MAF: variants seen among roughly 807,000 people sequenced by gnomAD.
The protein encoded by MAF is MAF bZIP transcription factor.
Under a neutral mutation model 22.0 loss-of-function variants are expected in MAF, and 10 were observed. That is an observed-to-expected ratio of 0.45 (90% CI 0.28 to 0.77). The LOEUF is 0.77. Among genes scored for constraint, MAF ranks in the 30% least tolerant of loss-of-function variants. The pLI, the probability that MAF is intolerant of heterozygous loss-of-function variation, is 0.12. For synonymous variants in MAF, 337 were observed against 255.8 expected (o/e 1.32, Z -3.03); for missense variants, 544 against 548.4 (o/e 0.99, Z 0.08).
At chr16:79,289,246 G>A in the MAF span, among the ~76,000 whole-genome samples, 1 of 152,124 alleles carries the variant, frequency 6.6e-6, no homozygotes, top group African/African-American at 2.4e-5. Context: ...GCAGAGTGGC[G>A]GGAGCCCACA....
At chr16:79,293,855 GAGAGAGAGA>G in the MAF span, among the ~76,000 whole-genome samples, 1 of 152,060 alleles carries the variant, frequency 6.6e-6, no homozygotes, top group Non-Finnish European at 1.5e-5. Flanking sequence ...GAGAGAGAGA[GAGAGAGAGA>G]GAGAGAAAGA....
At chr16:79,587,189 G>A (rs1400871156) in intron 1 of MAF, among the ~76,000 whole-genome samples, 4 of 152,084 alleles carry the variant, frequency 2.6e-5, no homozygotes, top group Admixed American at 6.5e-5. Context: ...CACGTTATAT[G>A]CGTTTATTCA....
the MAF span, among the ~76,000 whole-genome samples, chr16:79,324,436 G>A: frequency 2.0e-5 from 3 of 152,118 alleles, no homozygotes; most frequent in Admixed American, 6.5e-5. Flanking sequence ...CTGCAGGGCC[G>A]ACTTTGGGAC....
chr16:79,233,546 A>G, the MAF span, among the ~76,000 whole-genome samples: 2 of 152,084 alleles, frequency 1.3e-5, no homozygotes, highest in Admixed American at 6.6e-5. Context: ...CTAATCATCA[A>G]TGGCAAATAC....
the MAF span, among the ~76,000 whole-genome samples, chr16:79,232,805 C>T: frequency 1.3e-5 from 2 of 149,602 alleles, no homozygotes; most frequent in Non-Finnish European, 3.0e-5. Context: ...TTAATAACAG[C>T]TGGAAAAGTG....
chr16:79,429,668 C>T, the MAF span, among the ~76,000 whole-genome samples: 1 of 152,092 alleles, frequency 6.6e-6, no homozygotes, highest in African/African-American at 2.4e-5. Flanking sequence ...GTGTGTAAGC[C>T]TCCACTCCCA....
the MAF span, among the ~76,000 whole-genome samples, chr16:79,221,304 A>C: frequency 7.3e-4 from 111 of 152,286 alleles, no homozygotes; most frequent in African/African-American, 2.6e-3. Flanking sequence ...AACCCACTTT[A>C]GGGAGAGAGG....
chr16:79,427,909 A>G, the MAF span, among the ~76,000 whole-genome samples: 2 of 152,080 alleles, frequency 1.3e-5, no homozygotes, highest in African/African-American at 4.8e-5. Flanking sequence ...GATGCTTAAC[A>G]GATACAAAAT....
the MAF span, among the ~76,000 whole-genome samples, chr16:79,575,368 G>A: frequency 2.0e-5 from 3 of 152,178 alleles, no homozygotes; most frequent in Non-Finnish European, 2.9e-5. Context: ...GAGACAGTCA[G>A]CTATCTTTTC....
the MAF span, among the ~76,000 whole-genome samples, chr16:79,239,531 T>A: frequency 6.6e-6 from 1 of 152,130 alleles, no homozygotes; most frequent in East Asian, 1.9e-4. Flanking sequence ...AAAAGTGAAT[T>A]CCAGACTTTC....
chr16:79,411,591 C>T, the MAF span, among the ~76,000 whole-genome samples: 1,023 of 152,228 alleles, frequency 6.7e-3, 5 homozygotes, highest in Non-Finnish European at 0.011. Flanking sequence ...ATGGAGGCAA[C>T]CTATAAATTG....
the MAF span, among the ~76,000 whole-genome samples, chr16:79,517,522 C>G: frequency 6.6e-6 from 1 of 150,860 alleles, no homozygotes; most frequent in African/African-American, 2.4e-5. Context: ...ACCCTCAAGT[C>G]TTGGAGCTCC....
At chr16:79,219,382 C>T in the MAF span, among the ~76,000 whole-genome samples, 3 of 151,922 alleles carry the variant, frequency 2.0e-5, no homozygotes, top group African/African-American at 7.3e-5. Flanking sequence ...ATTTAAGACT[C>T]ACAGCTTTTG....
chr16:79,453,466 G>A, the MAF span, among the ~76,000 whole-genome samples: 1 of 152,172 alleles, frequency 6.6e-6, no homozygotes, highest in Admixed American at 6.5e-5. Context: ...AAGCAATGTA[G>A]ATAAATTCCA....
chr16:79,392,743 AGT>A, the MAF span, among the ~76,000 whole-genome samples: 1 of 152,290 alleles, frequency 6.6e-6, no homozygotes, highest in Admixed American at 6.5e-5. Context: ...TAGGTAGCCC[AGT>A]AGGACCAAAC....
the MAF span, among the ~76,000 whole-genome samples, chr16:79,536,727 T>C: frequency 6.6e-6 from 1 of 152,248 alleles, no homozygotes; most frequent in Non-Finnish European, 1.5e-5. Flanking sequence ...TTTTTTTCCC[T>C]GTCATTATTC....
the MAF span, among the ~76,000 whole-genome samples, chr16:79,514,839 G>A: frequency 5.3e-5 from 8 of 152,198 alleles, no homozygotes; most frequent in Non-Finnish European, 1.0e-4. Flanking sequence ...TATGTTTGGT[G>A]TAAATTCTCC....
At chr16:79,467,358 A>G in the MAF span, among the ~76,000 whole-genome samples, 3 of 152,198 alleles carry the variant, frequency 2.0e-5, no homozygotes, top group Non-Finnish European at 2.9e-5. Flanking sequence ...GGGGGCAGGC[A>G]CGCAGCTGCT....
the MAF span, among the ~76,000 whole-genome samples, chr16:79,346,544 T>C: frequency 2.6e-5 from 4 of 152,314 alleles, no homozygotes; most frequent in South Asian, 2.1e-4. Flanking sequence ...ATCCAAATAA[T>C]GCCCTCCAAG....
Sources: gnomAD v4.1 joint callset for allele counts (sites outside exome capture counted in the v4.1 genomes callset) on GRCh38, gnomAD v4.1.1 for gene constraint, MANE v1.5 for transcripts, NCBI Gene and HGNC (gene_info 2026-07-23, HGNC 2026-07-21) for gene names.